PLXNB1: variants seen among roughly 807,000 people sequenced by gnomAD.
PLXNB1 encodes the protein plexin B1.
Under a neutral mutation model 209.4 loss-of-function variants are expected in PLXNB1, and 106 were observed. The observed-to-expected ratio is 0.51, with a 90% CI of 0.43 to 0.59. PLXNB1 has a LOEUF of 0.59. Ranked by LOEUF, PLXNB1 falls within the 20% of genes least tolerant of loss-of-function variation. The pLI, the probability that PLXNB1 is intolerant of heterozygous loss-of-function variation, is 0.00. For synonymous variants in PLXNB1, 1,167 were observed against 1,183.2 expected, an observed-to-expected ratio of 0.99 and a Z score of 0.28; for missense variants, 2,357 against 2,853.2, an observed-to-expected ratio of 0.83 and a Z score of 3.96.
Position 48,420,175 on chromosome 3 carries a change from G to A in PLXNB1, c.2111C>T (p.Pro704Leu). The change falls in exon 11 of 38, where the codon CCT (proline) becomes CTT (leucine). Residue 704 changes from proline to leucine, a missense_variant. Pro to Leu is a moderately conservative substitution (Grantham distance 98). Transcript: ENST00000296440. Reference sequence around the variant, plus strand: ...CTCCACGGGAAGGGTGTCAGGAGCAGGGGTGGCCAGGGCTTTGGGGGCTGT... The same window carrying A: ...CTCCACGGGAAGGGTGTCAGGAGCAAGGGTGGCCAGGGCTTTGGGGGCTGT... ...PPTAPKALATPAPDTLPVEPG... is the reference protein window; with the variant it reads ...PPTAPKALATLAPDTLPVEPG... 1 of 1,592,472 alleles carries A rather than the reference G, an allele frequency of 6.3e-7. No homozygotes were observed.
At position 48,424,170 on chromosome 3, in the gene PLXNB1, G is replaced by A. The variant is rs200875085; in HGVS notation, c.442C>T (p.Pro148Ser). 4 of 1,582,648 alleles carry A rather than the reference G, an allele frequency of 2.5e-6. No homozygotes were observed. ...GDTQYVAAND[P>S]AVSTVGLVAQ... ...ACCAGCCCCACCGTGCTGACCGCAG[G>A]ATCATTGGCAGCCACATATTGTGTG... Residue 148 changes from proline (P) to serine (S), a missense_variant, in exon 3 of 38, where the codon CCT becomes TCT. Around this residue, in one of 7 missense-constraint regions of PLXNB1, gnomAD observed 404 missense variants for 443.6 expected, o/e 0.91. Coordinates refer to ENST00000296440, the MANE Select transcript of PLXNB1 (RefSeq NM_001130082.3).
At chr3:48,427,410 T>A (rs1021599258) in intron 1 of PLXNB1, among the ~76,000 whole-genome samples, 1 of 151,972 alleles carries the variant, frequency 6.6e-6, no homozygotes, top group Non-Finnish European at 1.5e-5. Flanking sequence ...AGCAGTGACT[T>A]TTTCTCCTCC....
Position 48,418,392 on chromosome 3 carries a change from G to A in PLXNB1, c.3050-29C>T. 2.5e-6 allele frequency: 4 copies of A among 1,613,472 alleles called. No homozygotes were observed. The highest frequency in any genetic ancestry group is 3.4e-6 in the Non-Finnish European group (4 of 1,179,980). ...GGGGTGGCAGAGACACACGTGAGAG[G>A]CAGGCCTGGGAGAGCCCTGCTACCA... On this transcript the variant is annotated intron_variant, in intron 14 of 37. Transcript: ENST00000296440. This position sits in a 1 kb window ranked among gnomAD's most constrained non-coding sequence, Gnocchi z 6.6.
rs761439736 is a variant in PLXNB1, at chr3:48,423,922, G to A, written c.690C>T (p.Phe230=). 3 of 1,614,168 alleles carry A rather than the reference G, an allele frequency of 1.9e-6. No individual in the cohort carries two copies. The highest frequency in any genetic ancestry group is 1.7e-5 in the Admixed American group (1 of 60,028). Residue 230 remains phenylalanine (F), a synonymous_variant, in exon 3 of 38, where the codon TTC becomes TTT. Coordinates refer to ENST00000296440, the MANE Select transcript of PLXNB1 (RefSeq NM_001130082.3). ...SAFARGASAY[F]LFLRRDLQAQ... Reference sequence around the variant, plus strand: ...CCTGCAGGTCCCGCCGCAGGAACAGGAAGTAGGCGCTGGCCCCACGTGCAA... The same window carrying A: ...CCTGCAGGTCCCGCCGCAGGAACAGAAAGTAGGCGCTGGCCCCACGTGCAA...
In PLXNB1 at chr3:48,427,152, T is replaced by C. The variant is rs369168071; in HGVS notation, c.-59-1819A>G. Among the ~76,000 whole-genome samples, 3 of 151,700 alleles carry C rather than the reference T, an allele frequency of 2.0e-5. No homozygotes were observed. In the East Asian group the frequency reaches 5.8e-4, roughly 29 times the overall value. ...GTGAAATCAAAACTGCATTGATGCATGACAGAGCCTTGGGAGATGAAAAAA... is the reference window on the plus strand; with the variant it reads ...GTGAAATCAAAACTGCATTGATGCACGACAGAGCCTTGGGAGATGAAAAAA... On this transcript the variant is annotated intron_variant, in intron 1 of 37. Transcript: ENST00000296440.
At chr3:48,414,181 C>A in intron 21 of PLXNB1, 110 bp from the exon 22 acceptor site, 2 of 995,604 alleles carry the variant, frequency 2.0e-6, no homozygotes, top group Non-Finnish European at 3.1e-6. Flanking sequence ...AGCTGACAGC[C>A]TCTCAGCACC....
intron 34 of PLXNB1, among the ~76,000 whole-genome samples, chr3:48,408,893 G>A (rs1204380161): frequency 2.0e-5 from 3 of 152,120 alleles, no homozygotes; most frequent in East Asian, 1.9e-4. Flanking sequence ...GCCACTGCTT[G>A]TCAGGACAGC....
In PLXNB1 at chr3:48,418,211, G is replaced by A; in HGVS notation, c.3202C>T (p.Pro1068Ser). The A allele has an allele frequency of 1.2e-6, 2 of 1,611,462 alleles. No individual in the cohort carries two copies. Among genetic ancestry groups the A allele is most frequent in the Non-Finnish European group, 1.7e-6 (2 of 1,179,110 alleles). ...CAAACCGAGTGGATGAGGGGCGCTG[G>A]GCACTGGGTGGCCACAGCCTCAGCC... ...GEAEAVATQC[P>S]APLIHSVEPL... The change falls in exon 15 of 38, where the codon CCA (proline) becomes TCA (serine). Residue 1068 changes from proline to serine, a missense_variant. Pro to Ser is a moderately conservative substitution (Grantham distance 74, BLOSUM62 -1). Around this residue, in one of 7 missense-constraint regions of PLXNB1, gnomAD observed 743 missense variants for 896.2 expected, o/e 0.83. Transcript: ENST00000296440. This position sits in a 1 kb window ranked among gnomAD's most constrained non-coding sequence, Gnocchi z 6.6.
Position 48,419,208 on chromosome 3 carries a change from A to G in PLXNB1, c.2832+36T>C. 6.5e-7 allele frequency: 1 copy of G among 1,546,522 alleles called. No individual in the cohort carries two copies. Among genetic ancestry groups the G allele is most frequent in the Non-Finnish European group, 8.8e-7 (1 of 1,142,154 alleles). ...GTGCAGAGTTTCTCAACAGCTAAGGAGGCTGCAAGGACAGCGGCAGGCAGG... is the reference window on the plus strand; with the variant it reads ...GTGCAGAGTTTCTCAACAGCTAAGGGGGCTGCAAGGACAGCGGCAGGCAGG... On this transcript the variant is annotated intron_variant, in intron 12 of 37. Transcript: ENST00000296440. The surrounding 1 kb of genome is among the most constrained non-coding windows in gnomAD (Gnocchi z 5.7).
chr3:48,418,756 CG>C lies in PLXNB1; in HGVS notation c.2955+160del, dbSNP rs2038277755. On this transcript the variant is annotated intron_variant, in intron 13 of 37. Transcript: ENST00000296440. The surrounding 1 kb of genome is among the most constrained non-coding windows in gnomAD (Gnocchi z 6.6). ...TCAGAGCTGGGATGCAAGGACTCCA[CG>C]GGGCACATGGTCAGAGGTCAGAAAT... is the stretch of plus-strand genomic sequence containing the variant. 5.9e-5 allele frequency among the ~76,000 whole-genome samples: 9 copies of C among 152,210 alleles called. No homozygotes were observed. In the South Asian group the frequency reaches 1.9e-3, roughly 32 times the overall value.
At position 48,418,649 on chromosome 3, in the gene PLXNB1, C is replaced by A; in HGVS notation, c.2956-107G>T. The A allele has an allele frequency of 1.9e-6, 2 of 1,045,734 alleles. No homozygotes were observed. The highest frequency in any genetic ancestry group is 1.5e-5 in the South Asian group (1 of 68,610). 64.8% of individuals were successfully genotyped at this position (1,045,734 alleles called of 1,614,324 possible). On this transcript the variant is annotated intron_variant, in intron 13 of 37. Transcript: ENST00000296440. The surrounding 1 kb of genome is among the most constrained non-coding windows in gnomAD (Gnocchi z 6.6). The stretch of plus-strand genomic sequence containing the variant: ...AAACGACCAGTTAGGAGCATAGGGT[C>A]AGAGGGACCCCATGGGGCCACAAGT...
Position 48,419,995 on chromosome 3 carries a change from G to A in PLXNB1, c.2291C>T (p.Pro764Leu). 1.3e-6 allele frequency: 2 copies of A among 1,598,256 alleles called. No individual in the cohort carries two copies. The highest frequency in any genetic ancestry group is 1.7e-6 in the Non-Finnish European group (2 of 1,170,332). Reference sequence around the variant, plus strand: ...GACAGCGGTTCCAGGTCCATTTTGGGGGCTGGGAGGGGAGGGCTCCTCATG... The same window carrying A: ...GACAGCGGTTCCAGGTCCATTTTGGAGGCTGGGAGGGGAGGGCTCCTCATG... ...PLHEEPSPPSPQNGPGTAVPA... is the reference protein window; with the variant it reads ...PLHEEPSPPSLQNGPGTAVPA... The change falls in exon 11 of 38, where the codon CCC becomes CTC. Residue 764 changes from proline (P) to leucine (L), a missense_variant. Coordinates refer to ENST00000296440, the MANE Select transcript of PLXNB1 (RefSeq NM_001130082.3). The surrounding 1 kb of genome is among the most constrained non-coding windows in gnomAD (Gnocchi z 5.7).
In PLXNB1 at chr3:48,411,986, G is replaced by T; in HGVS notation, c.5124C>A (p.Tyr1708Ter). The T allele has an allele frequency of 1.2e-6, 2 of 1,614,114 alleles. No individual in the cohort carries two copies. Among genetic ancestry groups the T allele is most frequent in the Non-Finnish European group, 1.7e-6 (2 of 1,180,018 alleles). Residue 1708 changes from tyrosine (Y) to a stop codon, truncating the protein, a stop_gained, in exon 28 of 38, where the codon TAC (tyrosine) becomes TAA (stop). Transcript: ENST00000296440. LOFTEE classifies it high-confidence loss of function. This position sits in a 1 kb window ranked among gnomAD's most constrained non-coding sequence, Gnocchi z 4.0. ...GGTGCTTAATCCCTCGAAAGAGCAT[G>T]TACAGAGGCTCCCCTACGGAGTCCT... is the stretch of plus-strand genomic sequence containing the variant. ...FVRDSVGEPL[Y>*]MLFRGIKHQV...
chr3:48,420,683 G>A lies in PLXNB1; in HGVS notation c.2010C>T (p.Pro670=). The A allele has an allele frequency of 1.2e-5, 20 of 1,613,664 alleles. No individual in the cohort carries two copies. The highest frequency in any genetic ancestry group is 1.7e-5 in the Non-Finnish European group (20 of 1,179,806). ...CTHKASCDAG[P]MVASHQSPLV... ...CACTCACCTGATGGCTTGCAACCAT[G>A]GGCCCAGCATCACACGAGGCCTTGT... is the stretch of plus-strand genomic sequence containing the variant. Residue 670 remains proline, a synonymous_variant, in exon 10 of 38, where the codon CCC becomes CCT. Coordinates refer to ENST00000296440, the MANE Select transcript of PLXNB1 (RefSeq NM_001130082.3).
At position 48,412,769 on chromosome 3, in the gene PLXNB1, C is replaced by G. The variant is rs1044083907; in HGVS notation, c.4827G>C (p.Leu1609=). The change falls in exon 25 of 38, where the codon CTG becomes CTC. Residue 1609 remains leucine (L), a synonymous_variant. Transcript: ENST00000296440. ...VEQGLGQLSN[L]LNSKLFLTKF... ...TGGTGAGGAAGAGCTTGCTGTTGAG[C>G]AGGTTAGAGAGCTGCCCCAGCCCTT... The G allele has an allele frequency of 1.9e-6, 3 of 1,613,136 alleles. No homozygotes were observed. The African/African-American group carries it at 4.0e-5, about 22-fold the overall frequency.
In PLXNB1 at chr3:48,413,888, C is replaced by G; in HGVS notation, c.4386+7G>C. On this transcript the variant is annotated splice_region_variant and intron_variant, in intron 22 of 37. Coordinates refer to ENST00000296440, the MANE Select transcript of PLXNB1 (RefSeq NM_001130082.3). The surrounding 1 kb of genome is among the most constrained non-coding windows in gnomAD (Gnocchi z 5.4). ...TGCCCAGCCCGGCCAGGGACCTGCC[C>G]ACTGACCGTGAACTCAGGCAAAGAG... 6.2e-7 allele frequency: 1 copy of G among 1,606,900 alleles called. No homozygotes were observed. The highest frequency in any genetic ancestry group is 1.1e-5 in the South Asian group (1 of 90,578).
At chr3:48,425,048 AG>A (rs2038810896) in intron 2 of PLXNB1, among the ~76,000 whole-genome samples, 1 of 152,138 alleles carries the variant, frequency 6.6e-6, no homozygotes, top group Non-Finnish European at 1.5e-5. Flanking sequence ...AAGGAAGGAG[AG>A]GGAGGTCTCC....
chr3:48,414,078 C>G lies in PLXNB1; in HGVS notation c.4210-7G>C. On this transcript the variant is annotated splice_polypyrimidine_tract_variant and splice_region_variant and intron_variant, in intron 21 of 37. Transcript: ENST00000296440. ...CAAGGTCCAGGTTCTCCCCCTGGAA[C>G]AGAGGGTCACCGATCAGTCACTCAG... is the stretch of plus-strand genomic sequence containing the variant. 6.2e-7 allele frequency: 1 copy of G among 1,613,572 alleles called. No individual in the cohort carries two copies. The highest frequency in any genetic ancestry group is 1.1e-5 in the South Asian group (1 of 91,070).
intron 10 of PLXNB1, 55 bp downstream of exon 10, chr3:48,420,610 C>A (rs550599489): frequency 7.0e-7 from 1 of 1,422,220 alleles, no homozygotes; most frequent in African/African-American, 1.4e-5. Context: ...GAGAAAAACT[C>A]TCACACTGGG....
Sources: allele counts gnomAD v4.1 joint callset (sites outside exome capture counted in the v4.1 genomes callset), GRCh38; gene constraint gnomAD v4.1.1; regional missense constraint gnomAD v4.1.1; non-coding constraint Gnocchi (gnomAD v3.1); transcripts MANE v1.5; gene names NCBI Gene and HGNC (gene_info 2026-07-23, HGNC 2026-07-21).